Variants in TRHDE observed in about 807,000 individuals in gnomAD.
TRHDE encodes the protein thyrotropin-releasing hormone-degrading ectoenzyme.
Under a neutral mutation model 125.7 loss-of-function variants are expected in TRHDE, and 72 were observed. That is an observed-to-expected ratio of 0.57 (90% confidence interval 0.47 to 0.70). The LOEUF is 0.70. Ranked by LOEUF, TRHDE falls within the 30% of genes least tolerant of loss-of-function variation. The pLI is 0.00. For synonymous variants in TRHDE, 509 were observed against 509.1 expected (o/e 1.00, Z 0.00); for missense variants, 1,110 against 1,327.1 (o/e 0.84, Z 2.54).
At chr12:72,489,812 C>A (rs1054723549) in intron 5 of TRHDE, among the ~76,000 whole-genome samples, 1 of 151,672 alleles carries the variant, frequency 6.6e-6, no homozygotes, top group Non-Finnish European at 1.5e-5. Context: ...TAAAATGAGA[C>A]TCTTGTCTTA....
chr12:72,200,237 G>A (rs772572098), intron 2 of TRHDE, among the ~76,000 whole-genome samples: 3 of 152,180 alleles, frequency 2.0e-5, no homozygotes, highest in Non-Finnish European at 2.9e-5. Context: ...AAGCCAAACA[G>A]GTTTGTGTAG....
At chr12:72,517,625 T>G (rs1441952395) in intron 6 of TRHDE, among the ~76,000 whole-genome samples, 4 of 152,170 alleles carry the variant, frequency 2.6e-5, no homozygotes, top group Non-Finnish European at 4.4e-5. Context: ...TTTGAAGGGT[T>G]TTTTGTGTCT....
chr12:72,193,614 G>A (rs1388299574), intron 2 of TRHDE, among the ~76,000 whole-genome samples: 2 of 152,122 alleles, frequency 1.3e-5, no homozygotes, highest in Non-Finnish European at 2.9e-5. Flanking sequence ...TCACCGGGAA[G>A]TAGGGGGTTG....
chr12:72,562,785 T>C, intron 8 of TRHDE, 68 bp from the exon 9 acceptor site: 1 of 1,003,040 alleles, frequency 1.0e-6, no homozygotes, highest in Non-Finnish European at 1.4e-6. Context: ...GAAATAAAAA[T>C]GTCTTAATGT....
intron 3 of TRHDE, among the ~76,000 whole-genome samples, chr12:72,465,123 T>C (rs1264232884): frequency 3.9e-5 from 6 of 152,170 alleles, no homozygotes; most frequent in Non-Finnish European, 7.4e-5. Context: ...CAAATTTCTT[T>C]TGCAAAAATT....
intron 5 of TRHDE, among the ~76,000 whole-genome samples, chr12:72,495,363 CTATT>C (rs1395149712): frequency 6.6e-6 from 1 of 151,920 alleles, no homozygotes; most frequent in Non-Finnish European, 1.5e-5. Flanking sequence ...CTGCTACTGC[CTATT>C]TATTAAGACC....
At chr12:72,326,545 A>G (rs1225458947) in intron 2 of TRHDE, among the ~76,000 whole-genome samples, 1 of 152,192 alleles carries the variant, frequency 6.6e-6, no homozygotes, top group African/African-American at 2.4e-5. Flanking sequence ...CTGCACATGT[A>G]TCCCAGAACT....
At chr12:72,171,042 C>T (rs1876861811) in intron 2 of TRHDE, among the ~76,000 whole-genome samples, 1 of 152,156 alleles carries the variant, frequency 6.6e-6, no homozygotes, top group Non-Finnish European at 1.5e-5. Flanking sequence ...AAGTTCTCTT[C>T]TATCATAACA....
At chr12:72,389,185 T>A (rs1423350856) in intron 3 of TRHDE, among the ~76,000 whole-genome samples, 1 of 151,874 alleles carries the variant, frequency 6.6e-6, no homozygotes, top group Non-Finnish European at 1.5e-5. Flanking sequence ...TTTAAACAGG[T>A]GGGTGATCAG....
chr12:72,166,330 CAT>C (rs1243178186), intron 2 of TRHDE, among the ~76,000 whole-genome samples: 2 of 151,430 alleles, frequency 1.3e-5, no homozygotes, highest in East Asian at 1.9e-4. Flanking sequence ...CACACACACA[CAT>C]ATACACATAT....
chr12:72,160,596 G>A (rs1876615556), intron 2 of TRHDE, among the ~76,000 whole-genome samples: 1 of 152,112 alleles, frequency 6.6e-6, no homozygotes, highest in South Asian at 2.1e-4. Context: ...GGCTGAGGCA[G>A]GAAAATCGCT....
intron 15 of TRHDE, among the ~76,000 whole-genome samples, chr12:72,632,311 A>G (rs918046597): frequency 6.6e-6 from 1 of 151,944 alleles, no homozygotes; most frequent in African/African-American, 2.4e-5. Flanking sequence ...AGGTACTTAG[A>G]TTTACAGTGC....
At chr12:72,471,433 C>T (rs1283966633) in intron 4 of TRHDE, among the ~76,000 whole-genome samples, 5 of 152,132 alleles carry the variant, frequency 3.3e-5, no homozygotes, top group South Asian at 2.1e-4. Context: ...GAAGTGAAAG[C>T]GCACCGATAA....
upstream of TRHDE, among the ~76,000 whole-genome samples, chr12:72,269,911 C>T (rs1346282176): frequency 6.6e-6 from 1 of 152,116 alleles, no homozygotes; most frequent in African/African-American, 2.4e-5. Flanking sequence ...TTAAAGATCC[C>T]TTAGTGGGTA....
chr12:72,435,989 A>G (rs1390638002), intron 3 of TRHDE, among the ~76,000 whole-genome samples: 1 of 152,022 alleles, frequency 6.6e-6, no homozygotes, highest in African/African-American at 2.4e-5. Flanking sequence ...ACCAATAAAA[A>G]CAAGAGGGAG....
In TRHDE at chr12:72,499,619, G is replaced by C. The variant is rs754073811; in HGVS notation, c.1706G>C (p.Trp569Ser). ...ACAGATATTGACAGGGTGTTTGACT[G>C]GATCGCATATAAAAAGGTGGGAATA... ...QATDIDRVFD[W>S]IAYKKGAALI... Residue 569 changes from tryptophan to serine, a missense_variant, in exon 6 of 19, where the codon TGG becomes TCG. Physicochemically the swap from Trp to Ser is radical, Grantham distance 177. Coordinates refer to ENST00000261180, the MANE Select transcript of TRHDE (RefSeq NM_013381.3). 6.2e-7 allele frequency: 1 copy of C among 1,612,768 alleles called. No homozygotes were observed. The highest frequency in any genetic ancestry group is 1.3e-5 in the African/African-American group (1 of 74,848).
intron 2 of TRHDE, among the ~76,000 whole-genome samples, chr12:72,357,024 A>G (rs751426866): frequency 4.0e-5 from 6 of 151,562 alleles, no homozygotes; most frequent in African/African-American, 9.7e-5. Flanking sequence ...CAAATTCTTC[A>G]TAGTTGTTTA....
At chr12:72,628,484 G>A (rs777687528) in intron 15 of TRHDE, among the ~76,000 whole-genome samples, 4 of 151,850 alleles carry the variant, frequency 2.6e-5, no homozygotes, top group Non-Finnish European at 4.4e-5. Flanking sequence ...AATCCGTACT[G>A]AAACAAGAAC....
intron 2 of TRHDE, among the ~76,000 whole-genome samples, chr12:72,221,186 C>CTATTGCA (rs2139367995): frequency 6.6e-6 from 1 of 151,984 alleles, no homozygotes; most frequent in East Asian, 1.9e-4. Flanking sequence ...TGCAATATGC[C>CTATTGCA]TATTAGAAAA....
Sources: allele counts gnomAD v4.1 joint callset (sites outside exome capture counted in the v4.1 genomes callset), GRCh38; gene constraint gnomAD v4.1.1; transcripts MANE v1.5; gene names NCBI Gene and HGNC (gene_info 2026-07-23, HGNC 2026-07-21).